ATG4C: variants seen among roughly 807,000 people sequenced by gnomAD.
ATG4C encodes autophagy related 4C cysteine peptidase, also known as cysteine protease ATG4C.
Under a neutral mutation model 57.6 loss-of-function variants are expected in ATG4C, and 56 were observed. The observed-to-expected ratio is 0.97, with a 90% CI of 0.78 to 1.21. The LOEUF (loss-of-function observed/expected upper bound fraction) is 1.21. Ranked by LOEUF, ATG4C falls within the 50% of genes most tolerant of loss-of-function variation. The probability of loss-of-function intolerance (pLI) is 0.00; values close to 1 mark genes in which losing one functional copy is unlikely to be tolerated. For synonymous variants in ATG4C, 157 were observed against 174.1 expected, an observed-to-expected ratio of 0.90 and a Z score of 0.78; for missense variants, 595 against 529.8, an observed-to-expected ratio of 1.12 and a Z score of -1.21.
At chr1:62,798,757 G>C (rs1664556113) in intron 1 of ATG4C, among the ~76,000 whole-genome samples, 2 of 151,830 alleles carry the variant, frequency 1.3e-5, no homozygotes, top group South Asian at 4.1e-4. Context: ...TGATTCTCCT[G>C]CCTCAGCCTC....
Position 62,821,133 on chromosome 1 carries a change from T to G in ATG4C, c.726-6T>G, listed in dbSNP as rs767095073. The G allele has an allele frequency of 1.1e-5, 18 of 1,586,770 alleles. No homozygotes were observed. Among genetic ancestry groups the G allele is most frequent in the Non-Finnish European group, 1.4e-5 (16 of 1,169,232 alleles). On this transcript the variant is annotated splice_polypyrimidine_tract_variant and splice_region_variant and intron_variant, in intron 5 of 10. Transcript: ENST00000317868. ...TTTTGAAAGATAATGCTTGTTATTT[T>G]CTCAGAAAAGCAGTTGAAGAAGCAA...
At chr1:62,833,982 CT>C in intron 7 of ATG4C, 55 bp from the exon 8 acceptor site, 3 of 1,482,688 alleles carry the variant, frequency 2.0e-6, no homozygotes, top group Non-Finnish European at 2.8e-6. Context: ...AATTTGTTTG[CT>C]TTGAATAATT....
At chr1:62,822,481 A>G (rs1665513416) in intron 6 of ATG4C, among the ~76,000 whole-genome samples, 1 of 152,158 alleles carries the variant, frequency 6.6e-6, no homozygotes, top group Non-Finnish European at 1.5e-5. Flanking sequence ...AAATGTATGA[A>G]TTTACCTTTT....
rs1422446502 is a variant in ATG4C at position 62,834,834 on chromosome 1, A to G, written c.1071A>G (p.Ile357Met). 1 of 1,612,042 alleles carries G rather than the reference A, an allele frequency of 6.2e-7. No homozygotes were observed. The highest frequency in any genetic ancestry group is 8.5e-7 in the Non-Finnish European group (1 of 1,178,702). The change falls in exon 9 of 11, where the codon ATA (isoleucine) becomes ATG (methionine). Residue 357 changes from isoleucine (I) to methionine (M), a missense_variant. Physicochemically the swap from Ile to Met is conservative, Grantham distance 10. Transcript: ENST00000317868. Reference sequence around the variant, plus strand: ...GCCAATCTTTTGTAGATGTCAGCATAAAGGATTTCCCTCTTGAGGTACTGT... The same window carrying G: ...GCCAATCTTTTGTAGATGTCAGCATGAAGGATTTCCCTCTTGAGGTACTGT... ...HYCQSFVDVS[I>M]KDFPLETFHC...
chr1:62,800,053 G>A (rs1223627792), intron 1 of ATG4C, among the ~76,000 whole-genome samples: 6 of 152,050 alleles, frequency 3.9e-5, no homozygotes, highest in Non-Finnish European at 7.4e-5. Context: ...CATATAACAT[G>A]TCTAATTGCT....
Position 62,810,972 on chromosome 1 carries a change from T to G in ATG4C, c.161-5603T>G, listed in dbSNP as rs757830250. Among the ~76,000 whole-genome samples the G allele has an allele frequency of 2.0e-5, 3 of 152,184 alleles. No homozygotes were observed. The South Asian group carries it at 6.2e-4, about 31-fold the overall frequency. On this transcript the variant is annotated intron_variant, in intron 3 of 10. Transcript: ENST00000317868. The stretch of plus-strand genomic sequence containing the variant: ...AGAGAAATTTTTTAATAGTTACTTT[T>G]GTTTTGCTAAGGATTTTAGTGAAAT...
At chr1:62,853,454 T>G (rs778875515) in intron 10 of ATG4C, among the ~76,000 whole-genome samples, 1 of 152,194 alleles carries the variant, frequency 6.6e-6, no homozygotes, top group African/African-American at 2.4e-5. Flanking sequence ...ATTACTGTTA[T>G]TTTTACTTTT....
In ATG4C at chr1:62,819,113, A is replaced by G; in HGVS notation, c.503A>G (p.Glu168Gly). The G allele has an allele frequency of 1.2e-6, 2 of 1,613,260 alleles. No homozygotes were observed. The highest frequency in any genetic ancestry group is 1.7e-5 in the Admixed American group (1 of 59,936). The part of the protein sequence containing the change: ...TASFEASLSG[E>G]REFKTPTISL... ...TCATTTGAAGCATCACTTTCAGGGG[A>G]AAGAGAATTCAAAACCCCAACAATT... Residue 168 changes from glutamate (E) to glycine (G), a missense_variant, in exon 5 of 11, where the codon GAA (glutamate) becomes GGA (glycine). Physicochemically the swap from Glu to Gly is moderately conservative, Grantham distance 98. Coordinates refer to ENST00000317868, the MANE Select transcript of ATG4C (RefSeq NM_032852.4).
At chr1:62,794,668 T>A (rs1248535073) in intron 1 of ATG4C, among the ~76,000 whole-genome samples, 1 of 152,232 alleles carries the variant, frequency 6.6e-6, no homozygotes, top group African/African-American at 2.4e-5. Context: ...ACATAAATAT[T>A]ACTATTGCTC....
intron 4 of ATG4C, 133 bp from the exon 5 acceptor site, chr1:62,818,872 C>G: frequency 1.5e-6 from 1 of 666,990 alleles, no homozygotes; most frequent in Non-Finnish European, 2.4e-6. Flanking sequence ...CTTTTTGTTT[C>G]CATGTATTTA....
chr1:62,814,673 T>C (rs1241962230), intron 3 of ATG4C, among the ~76,000 whole-genome samples: 2 of 152,236 alleles, frequency 1.3e-5, no homozygotes, highest in Non-Finnish European at 2.9e-5. Flanking sequence ...TTACACTTAA[T>C]CTATTTGTGT....
chr1:62,831,196 A>C (rs1665827049), intron 7 of ATG4C, among the ~76,000 whole-genome samples: 2 of 152,164 alleles, frequency 1.3e-5, no homozygotes, highest in South Asian at 4.1e-4. Flanking sequence ...GAAATGGTTA[A>C]GTGGAGTAGG....
intron 1 of ATG4C, among the ~76,000 whole-genome samples, chr1:62,794,979 C>T (rs1457626922): frequency 6.6e-6 from 1 of 152,122 alleles, no homozygotes; most frequent in East Asian, 1.9e-4. Context: ...TTAGAGTAGA[C>T]TTCACAGTTC....
rs770427190 is a variant in ATG4C, at chr1:62,834,059, T to C, written c.955T>C (p.Cys319Arg). 35 of 1,605,406 alleles carry C rather than the reference T, an allele frequency of 2.2e-5. No individual in the cohort carries two copies. Among genetic ancestry groups the C allele is most frequent in the Non-Finnish European group, 2.9e-5 (34 of 1,173,500 alleles). ...GCAGGGTATTTTAAGCCTGGAATAT[T>C]GTGTGGGTATTATTGGTGGCAAACC... Reference protein sequence around the residue: ...FVKGILSLEYCVGIIGGKPKQ... With the variant: ...FVKGILSLEYRVGIIGGKPKQ... Residue 319 changes from cysteine to arginine, a missense_variant, in exon 8 of 11, where the codon TGT becomes CGT. Cys to Arg is a radical substitution (Grantham distance 180). Transcript: ENST00000317868.
Position 62,846,209 on chromosome 1 carries a change from C to T in ATG4C, c.1209+4662C>T, listed in dbSNP as rs1182338430. On this transcript the variant is annotated intron_variant, in intron 10 of 10. Transcript: ENST00000317868. ...GAATCTCAGAGTTCATTCTACTTGT[C>T]ATAAGAGAAGCATTTGATGTAGGTG... 2.6e-5 allele frequency among the ~76,000 whole-genome samples: 4 copies of T among 152,206 alleles called. No individual in the cohort carries two copies. In the East Asian group the frequency reaches 7.7e-4, roughly 29 times the overall value.
rs1343159186 is a variant in ATG4C, at chr1:62,850,880, A to G, written c.1209+9333A>G. ...TATATATATATATATATATATATAT[A>G]TATATATATATATATATATATACAT... On this transcript the variant is annotated intron_variant, in intron 10 of 10. Coordinates refer to ENST00000317868, the MANE Select transcript of ATG4C (RefSeq NM_032852.4). Among the ~76,000 whole-genome samples the G allele has an allele frequency of 1.1e-3, 83 of 73,396 alleles. 2 individuals are homozygous for G. Among genetic ancestry groups the G allele is most frequent in the South Asian group, 4.0e-3 (11 of 2,754 alleles). 48.2% of individuals were successfully genotyped at this position (73,396 alleles called of 152,430 possible).
chr1:62,852,418 A>G (rs572549521), intron 10 of ATG4C, among the ~76,000 whole-genome samples: 2 of 152,296 alleles, frequency 1.3e-5, no homozygotes, highest in African/African-American at 2.4e-5. Flanking sequence ...ACAAAATGAC[A>G]TTATTTGGGA....
At chr1:62,797,247 CTT>C (rs1264325486) in intron 1 of ATG4C, among the ~76,000 whole-genome samples, 1 of 151,922 alleles carries the variant, frequency 6.6e-6, no homozygotes, top group South Asian at 2.1e-4. Flanking sequence ...TGCTGTTCCC[CTT>C]TTTTTCTCAC....
At chr1:62,854,760 T>C (rs1275012160) in intron 10 of ATG4C, among the ~76,000 whole-genome samples, 1 of 152,176 alleles carries the variant, frequency 6.6e-6, no homozygotes, top group African/African-American at 2.4e-5. Flanking sequence ...CTTGCCTTTT[T>C]GTTGGGTGAC....
Sources: gnomAD v4.1 joint callset for allele counts (sites outside exome capture counted in the v4.1 genomes callset) on GRCh38, gnomAD v4.1.1 for gene constraint, MANE v1.5 for transcripts, NCBI Gene and HGNC (gene_info 2026-07-23, HGNC 2026-07-21) for gene names.